SNX18: variants seen among roughly 807,000 people sequenced by gnomAD.
SNX18 encodes the protein sorting nexin-18.
In SNX18, 35 loss-of-function variants were observed where a neutral mutation model predicts 48.7. That is an observed-to-expected ratio of 0.72 (90% CI 0.55 to 0.95). The LOEUF (loss-of-function observed/expected upper bound fraction) is 0.95. Among genes scored for constraint, SNX18 ranks in the 40% least tolerant of loss-of-function variants. The pLI, the probability that SNX18 is intolerant of heterozygous loss-of-function variation, is 0.00. For missense variants in SNX18, 824 were observed against 871.0 expected (o/e 0.95, Z 0.68); for synonymous variants, 492 against 384.7 (o/e 1.28, Z -3.26).
chr5:54,637,792 C>G, the SNX18 span, among the ~76,000 whole-genome samples: 1 of 152,100 alleles, frequency 6.6e-6, no homozygotes, highest in African/African-American at 2.4e-5. Flanking sequence ...GCCGGGCCCT[C>G]TGGAGGGGCC....
At chr5:54,561,381 C>T in the SNX18 span, among the ~76,000 whole-genome samples, 3 of 151,632 alleles carry the variant, frequency 2.0e-5, no homozygotes, top group African/African-American at 7.3e-5. Flanking sequence ...CAGGGTCTCA[C>T]ACTGTCACCT....
chr5:54,635,996 G>C, the SNX18 span, among the ~76,000 whole-genome samples: 2 of 152,176 alleles, frequency 1.3e-5, no homozygotes, highest in Non-Finnish European at 1.5e-5. Context: ...GCCTACCATG[G>C]ATGTGGGAAG....
rs575338202 is a variant in SNX18 at position 54,527,363 on chromosome 5, G to GT, written c.1621+7790_1621+7791insT. ...AGAGGTGGTGGTCGGGGAGCCGGGGGGGGGGGTCCCCCTCCAGCTATATTT... is the reference window on the plus strand; with the variant it reads ...AGAGGTGGTGGTCGGGGAGCCGGGGGTGGGGGGTCCCCCTCCAGCTATATTT... On this transcript the variant is annotated intron_variant, in intron 1 of 1. Transcript: ENST00000381410. 2.7e-4 allele frequency among the ~76,000 whole-genome samples: 41 copies of GT among 149,902 alleles called. 1 individual carries two copies. The highest frequency in any genetic ancestry group is 5.2e-4 in the Non-Finnish European group (35 of 66,984).
At chr5:54,641,465 G>A in the SNX18 span, among the ~76,000 whole-genome samples, 9 of 152,162 alleles carry the variant, frequency 5.9e-5, no homozygotes, top group Non-Finnish European at 1.0e-4. Flanking sequence ...TGAAGTTGGC[G>A]TGGGATGGGG....
At chr5:54,633,832 C>T in the SNX18 span, among the ~76,000 whole-genome samples, 2 of 152,186 alleles carry the variant, frequency 1.3e-5, no homozygotes, top group African/African-American at 4.8e-5. Context: ...AGAGTCAACA[C>T]ATTTTTACTG....
chr5:54,609,012 C>T, the SNX18 span, among the ~76,000 whole-genome samples: 1 of 152,176 alleles, frequency 6.6e-6, no homozygotes, highest in African/African-American at 2.4e-5. Context: ...TGCTAATTCC[C>T]CGTTCTTAGT....
chr5:54,583,103 T>C, the SNX18 span, among the ~76,000 whole-genome samples: 1 of 152,176 alleles, frequency 6.6e-6, no homozygotes, highest in Non-Finnish European at 1.5e-5. Flanking sequence ...CCCAACCAGA[T>C]GGTAAGATAT....
the SNX18 span, among the ~76,000 whole-genome samples, chr5:54,565,997 G>A: frequency 9.2e-3 from 1,404 of 152,282 alleles, 25 homozygotes; most frequent in African/African-American, 0.032. Flanking sequence ...TGTCTTTTGA[G>A]GGTGCTCATC....
At chr5:54,569,080 T>G in the SNX18 span, among the ~76,000 whole-genome samples, 1 of 151,560 alleles carries the variant, frequency 6.6e-6, no homozygotes, top group Non-Finnish European at 1.5e-5. Flanking sequence ...TGACCTCAGG[T>G]GATCTACCCA....
chr5:54,576,192 A>G, the SNX18 span, among the ~76,000 whole-genome samples: 1 of 152,086 alleles, frequency 6.6e-6, no homozygotes, highest in Non-Finnish European at 1.5e-5. Flanking sequence ...TCAGCTTTTG[A>G]GTCTTCCAGC....
At chr5:54,594,307 A>G in the SNX18 span, among the ~76,000 whole-genome samples, 1 of 152,234 alleles carries the variant, frequency 6.6e-6, no homozygotes, top group Non-Finnish European at 1.5e-5. Context: ...ACTTTTGGAA[A>G]ATATGCCTTG....
At chr5:54,606,400 C>T in the SNX18 span, among the ~76,000 whole-genome samples, 1 of 152,084 alleles carries the variant, frequency 6.6e-6, no homozygotes, top group Non-Finnish European at 1.5e-5. Context: ...TTTGTATTTC[C>T]AGGTTAGTCC....
At chr5:54,557,963 G>T in the SNX18 span, among the ~76,000 whole-genome samples, 1 of 152,018 alleles carries the variant, frequency 6.6e-6, no homozygotes, top group Non-Finnish European at 1.5e-5. Context: ...AAACTCCCTG[G>T]GCTCAGGCAA....
intron 1 of SNX18, among the ~76,000 whole-genome samples, chr5:54,539,941 G>C (rs9686403): frequency 2.6e-5 from 4 of 151,462 alleles, no homozygotes; most frequent in African/African-American, 4.9e-5. Flanking sequence ...GTGCGATTTC[G>C]GCTCACTGCA....
At chr5:54,628,383 G>A in the SNX18 span, among the ~76,000 whole-genome samples, 1 of 152,136 alleles carries the variant, frequency 6.6e-6, no homozygotes, top group Non-Finnish European at 1.5e-5. Context: ...CCTTCTCAGT[G>A]AGTAGCACCA....
chr5:54,596,321 C>T, the SNX18 span, among the ~76,000 whole-genome samples: 2 of 149,472 alleles, frequency 1.3e-5, no homozygotes. Context: ...CTATAGCTCT[C>T]CCCACCATCT....
At chr5:54,551,936 G>T in the SNX18 span, among the ~76,000 whole-genome samples, 5 of 152,188 alleles carry the variant, frequency 3.3e-5, no homozygotes, top group Non-Finnish European at 5.9e-5. Context: ...ATGAAAGAAA[G>T]AAAATAGTGA....
the SNX18 span, among the ~76,000 whole-genome samples, chr5:54,563,774 A>G: frequency 1.3e-5 from 2 of 152,066 alleles, no homozygotes; most frequent in East Asian, 3.8e-4. Context: ...TTTTGTATGG[A>G]TCTGATTCTT....
chr5:54,550,495 A>C (rs190859861), downstream of SNX18, among the ~76,000 whole-genome samples: 528 of 152,340 alleles, frequency 3.5e-3, 6 homozygotes, highest in African/African-American at 0.011. Context: ...TTTTCCTAAG[A>C]AAATTAAATG....
Sources: gnomAD v4.1 joint callset for allele counts (sites outside exome capture counted in the v4.1 genomes callset) on GRCh38, gnomAD v4.1.1 for gene constraint, MANE v1.5 for transcripts, NCBI Gene and HGNC (gene_info 2026-07-23, HGNC 2026-07-21) for gene names.